Variants in PPP6R3 observed in about 807,000 individuals in gnomAD.
PPP6R3 encodes protein phosphatase 6 regulatory subunit 3.
Under a neutral mutation model 110.7 loss-of-function variants are expected in PPP6R3, and 38 were observed. The ratio of observed to expected loss-of-function variants is 0.34; its 90% CI spans 0.26 to 0.45. The LOEUF is 0.45. Among genes scored for constraint, PPP6R3 ranks in the 20% least tolerant of loss-of-function variants. PPP6R3 has a pLI of 1.00. For synonymous variants in PPP6R3, 369 were observed against 373.5 expected, an observed-to-expected ratio of 0.99 and a Z score of 0.14; for missense variants, 870 against 1,062.4, an observed-to-expected ratio of 0.82 and a Z score of 2.52.
intron 2 of PPP6R3, among the ~76,000 whole-genome samples, chr11:68,530,544 C>G (rs539229982): frequency 9.2e-5 from 14 of 152,270 alleles, no homozygotes; most frequent in African/African-American, 3.4e-4. Flanking sequence ...GTGTTTATTG[C>G]CAGTCTGGCA....
chr11:68,571,606 C>A (rs148427625), intron 12 of PPP6R3, among the ~76,000 whole-genome samples: 1 of 152,182 alleles, frequency 6.6e-6, no homozygotes, highest in Non-Finnish European at 1.5e-5. Flanking sequence ...TTAGTTGATA[C>A]ATGTAAGTAG....
chr11:68,560,499 A>T lies in PPP6R3; in HGVS notation c.845+1820A>T, dbSNP rs552099097. Among the ~76,000 whole-genome samples, 6 of 152,380 alleles carry T rather than the reference A, an allele frequency of 3.9e-5. No individual in the cohort carries two copies. In the South Asian group the frequency reaches 1.2e-3, roughly 32 times the overall value. ...TCCTTAGAGGAAATAATTGCCAAAG[A>T]TCACTCAAGAAGAAATAGGTAGCAT... is the stretch of plus-strand genomic sequence containing the variant. On this transcript the variant is annotated intron_variant, in intron 8 of 23. Coordinates refer to ENST00000393800, the MANE Select transcript of PPP6R3 (RefSeq NM_001164161.2).
chr11:68,521,830 T>A (rs1210520754), intron 2 of PPP6R3, among the ~76,000 whole-genome samples: 2 of 152,210 alleles, frequency 1.3e-5, no homozygotes, highest in East Asian at 3.8e-4. Flanking sequence ...AGCTCTCTCT[T>A]ACTAGTGAGA....
intron 1 of PPP6R3, among the ~76,000 whole-genome samples, chr11:68,481,107 TA>T (rs1565311530): frequency 6.6e-6 from 1 of 152,192 alleles, no homozygotes; most frequent in Non-Finnish European, 1.5e-5. Flanking sequence ...TTAGCATTTA[TA>T]ATACATGGCC....
In PPP6R3 at chr11:68,548,115, A is replaced by G. The variant is rs1205851453; in HGVS notation, c.463A>G (p.Lys155Glu). 1 of 1,613,830 alleles carries G rather than the reference A, an allele frequency of 6.2e-7. No individual in the cohort carries two copies. Among genetic ancestry groups the G allele is most frequent in the East Asian group, 2.2e-5 (1 of 44,888 alleles). ...GCATGATTTTGTAGACCTTATTATAAAGCACATAGGAACTTCTGCTATCAT... is the reference window on the plus strand; with the variant it reads ...GCATGATTTTGTAGACCTTATTATAGAGCACATAGGAACTTCTGCTATCAT... ...KKHDFVDLII[K>E]HIGTSAIMDL... is the part of the protein sequence containing the mutation. Residue 155 changes from lysine (K) to glutamate (E), a missense_variant, in exon 5 of 24, where the codon AAG (lysine) becomes GAG (glutamate). Transcript: ENST00000393800.
intron 1 of PPP6R3, among the ~76,000 whole-genome samples, chr11:68,504,788 C>T (rs1002501995): frequency 6.6e-6 from 1 of 152,188 alleles, no homozygotes; most frequent in South Asian, 2.1e-4. Flanking sequence ...CCCAGCTACA[C>T]GCACCTGACT....
At chr11:68,509,622 T>C (rs2099097598) in intron 1 of PPP6R3, among the ~76,000 whole-genome samples, 1 of 152,026 alleles carries the variant, frequency 6.6e-6, no homozygotes, top group Non-Finnish European at 1.5e-5. Context: ...CTCTTATTTT[T>C]ATTTTTGAGA....
Position 68,498,856 on chromosome 11 carries a change from A to G in PPP6R3, c.-157-20645A>G, listed in dbSNP as rs73516894. ...CAGTATACCTAAGGGTGAAATTGCT[A>G]GGGCATAGAGGTATATGTATAGTAG... On this transcript the variant is annotated intron_variant, in intron 1 of 23. Coordinates refer to ENST00000393800, the MANE Select transcript of PPP6R3 (RefSeq NM_001164161.2). Among the ~76,000 whole-genome samples, 1,362 of 152,304 alleles carry G rather than the reference A, an allele frequency of 8.9e-3. 20 individuals carry two copies. Among genetic ancestry groups the G allele is most frequent in the African/African-American group, 0.031 (1,305 of 41,562 alleles).
chr11:68,604,244 T>C (rs1025693428), intron 22 of PPP6R3, among the ~76,000 whole-genome samples: 1 of 152,242 alleles, frequency 6.6e-6, no homozygotes, highest in Admixed American at 6.5e-5. Context: ...CAATGTATTT[T>C]AAAGTCATGA....
chr11:68,481,262 C>T (rs2098909058), intron 1 of PPP6R3, among the ~76,000 whole-genome samples: 1 of 152,178 alleles, frequency 6.6e-6, no homozygotes, highest in Non-Finnish European at 1.5e-5. Context: ...TACTGGAGTT[C>T]ATTTTGTGAC....
chr11:68,608,744 G>T (rs1423799436), intron 22 of PPP6R3, among the ~76,000 whole-genome samples: 1 of 152,158 alleles, frequency 6.6e-6, no homozygotes, highest in Non-Finnish European at 1.5e-5. Flanking sequence ...GAGTTAAGAG[G>T]TAAATACAAT....
chr11:68,468,477 T>TA (rs1461946309), intron 1 of PPP6R3, among the ~76,000 whole-genome samples: 2 of 152,230 alleles, frequency 1.3e-5, no homozygotes, highest in African/African-American at 4.8e-5. Context: ...TTCTTGTTAT[T>TA]ACACCCTTAG....
chr11:68,514,530 G>T (rs77750899), intron 1 of PPP6R3, among the ~76,000 whole-genome samples: 1 of 151,966 alleles, frequency 6.6e-6, no homozygotes, highest in Admixed American at 6.6e-5. Context: ...CTATTTTATT[G>T]TGTAAAGTGA....
chr11:68,461,080 C>G (rs1238012934), intron 1 of PPP6R3, among the ~76,000 whole-genome samples: 1 of 151,390 alleles, frequency 6.6e-6, no homozygotes, highest in Non-Finnish European at 1.5e-5. Flanking sequence ...GGGACGCGGT[C>G]GGGGCGGCGA....
chr11:68,611,956 A>G (rs1943665508), intron 23 of PPP6R3, among the ~76,000 whole-genome samples: 1 of 152,004 alleles, frequency 6.6e-6, no homozygotes, highest in East Asian at 1.9e-4. Context: ...CTCACTTTTC[A>G]CAGCTGTTTT....
chr11:68,585,706 T>C (rs2099576039), intron 15 of PPP6R3, among the ~76,000 whole-genome samples: 1 of 152,152 alleles, frequency 6.6e-6, no homozygotes, highest in African/African-American at 2.4e-5. Context: ...CTAATGAGGA[T>C]TACATCTGAT....
At chr11:68,552,432 G>T (rs1004114926) in intron 6 of PPP6R3, among the ~76,000 whole-genome samples, 1 of 152,194 alleles carries the variant, frequency 6.6e-6, no homozygotes, top group Non-Finnish European at 1.5e-5. Flanking sequence ...TTTATTAAAG[G>T]GACTGTCACT....
chr11:68,504,094 A>G (rs763882987), intron 1 of PPP6R3, among the ~76,000 whole-genome samples: 35 of 152,248 alleles, frequency 2.3e-4, no homozygotes, highest in Non-Finnish European at 4.7e-4. Context: ...AAATACTGGC[A>G]TATTTTGTAA....
At chr11:68,580,822 A>C (rs1191461343) in intron 14 of PPP6R3, among the ~76,000 whole-genome samples, 5 of 122,536 alleles carry the variant, frequency 4.1e-5, no homozygotes, top group Non-Finnish European at 7.8e-5. Flanking sequence ...CCCAGGCTGG[A>C]GTGCAGTGGC....
Sources: gnomAD v4.1 joint callset for allele counts (sites outside exome capture counted in the v4.1 genomes callset) on GRCh38, gnomAD v4.1.1 for gene constraint, MANE v1.5 for transcripts, NCBI Gene and HGNC (gene_info 2026-07-23, HGNC 2026-07-21) for gene names.